PARD3: variants seen among roughly 807,000 people sequenced by gnomAD.
PARD3 encodes par-3 family cell polarity regulator.
In PARD3, 75 loss-of-function variants were observed where a neutral mutation model predicts 155.4. The observed-to-expected ratio is 0.48, with a 90% CI of 0.40 to 0.58. PARD3 has a LOEUF of 0.58. Ranked by LOEUF, PARD3 falls within the 20% of genes least tolerant of loss-of-function variation. PARD3 has a pLI of 0.00. For synonymous variants in PARD3, 576 were observed against 610.5 expected (o/e 0.94, Z 0.83); for missense variants, 1,642 against 1,721.7 (o/e 0.95, Z 0.82).
At chr10:34,724,303 G>C (rs963797883) in intron 1 of PARD3, among the ~76,000 whole-genome samples, 1 of 151,984 alleles carries the variant, frequency 6.6e-6, no homozygotes, top group African/African-American at 2.4e-5. Flanking sequence ...AAATAGCCTT[G>C]CAAGTCATGC....
intron 22 of PARD3, among the ~76,000 whole-genome samples, chr10:34,214,024 T>G (rs1402456609): frequency 1.3e-5 from 2 of 152,074 alleles, no homozygotes; most frequent in Non-Finnish European, 2.9e-5. Flanking sequence ...GCCTCCTGAG[T>G]AGCTGGAATG....
chr10:34,681,559 ACATAC>A lies in PARD3; in HGVS notation c.222+14754_222+14758del, dbSNP rs2093820315. On this transcript the variant is annotated intron_variant, in intron 2 of 24. Transcript: ENST00000374788. ...TAAGAAAAAAAGGATACAAAACTTT[ACATAC>A]CTTATAGAACATGGAACACCACTGT... 2.0e-5 allele frequency among the ~76,000 whole-genome samples: 3 copies of A among 150,800 alleles called. No homozygotes were observed. The Admixed American group carries it at 2.0e-4, about 10-fold the overall frequency.
At chr10:34,737,418 A>G (rs1209400158) in intron 1 of PARD3, among the ~76,000 whole-genome samples, 4 of 152,210 alleles carry the variant, frequency 2.6e-5, no homozygotes, top group Non-Finnish European at 5.9e-5. Flanking sequence ...CCACCCCAAC[A>G]AGGACTAAGA....
At chr10:34,638,949 G>T (rs891545337) in intron 2 of PARD3, among the ~76,000 whole-genome samples, 10 of 152,222 alleles carry the variant, frequency 6.6e-5, no homozygotes, top group Non-Finnish European at 1.3e-4. Flanking sequence ...AGAGAAATAT[G>T]AAATACGGCT....
At chr10:34,510,757 T>C (rs2081356158) in intron 3 of PARD3, among the ~76,000 whole-genome samples, 1 of 152,152 alleles carries the variant, frequency 6.6e-6, no homozygotes, top group South Asian at 2.1e-4. Context: ...GACAGAATAG[T>C]ATACTGAATC....
rs549733511 is a variant in PARD3, at chr10:34,583,207, T to C, written c.223-66048A>G. Among the ~76,000 whole-genome samples the C allele has an allele frequency of 2.0e-5, 3 of 152,172 alleles. No individual in the cohort carries two copies. In the South Asian group the frequency reaches 6.2e-4, roughly 31 times the overall value. ...AATAAATATAACAAATGACACGATA[T>C]AACCATCTAAGTTTTTGGTTTAATG... is the stretch of plus-strand genomic sequence containing the variant. On this transcript the variant is annotated intron_variant, in intron 2 of 24. Coordinates refer to ENST00000374788, the MANE Select transcript of PARD3 (RefSeq NM_001184785.2).
At chr10:34,454,797 T>C (rs769040458) in intron 4 of PARD3, among the ~76,000 whole-genome samples, 1 of 152,192 alleles carries the variant, frequency 6.6e-6, no homozygotes. Flanking sequence ...CTAAATGTAC[T>C]GCCACAGCAT....
At chr10:34,802,782 T>C (rs74722182) in intron 1 of PARD3, among the ~76,000 whole-genome samples, 3,276 of 152,204 alleles carry the variant, frequency 0.022, 116 homozygotes, top group African/African-American at 0.075. Context: ...GAAAAGCCTA[T>C]TCTAGTGAGA....
At chr10:34,628,398 T>C (rs964390277) in intron 2 of PARD3, among the ~76,000 whole-genome samples, 4 of 152,214 alleles carry the variant, frequency 2.6e-5, no homozygotes, top group Admixed American at 2.0e-4. Context: ...GAATTCCTGC[T>C]ACAATTTAGG....
intron 1 of PARD3, among the ~76,000 whole-genome samples, chr10:34,734,223 A>G (rs2094869227): frequency 6.6e-6 from 1 of 151,930 alleles, no homozygotes; most frequent in African/African-American, 2.4e-5. Context: ...ATATCAACAA[A>G]GCACTACAAA....
intron 2 of PARD3, among the ~76,000 whole-genome samples, chr10:34,666,796 A>AAAAAAAAAAAATATAT (rs1358640964): frequency 4.5e-5 from 3 of 66,926 alleles, no homozygotes; most frequent in African/African-American, 1.2e-4. Flanking sequence ...AAAAAAAAAA[A>AAAAAAAAAAAATATAT]ATATATATAT....
chr10:34,713,505 C>T (rs1381857207), intron 1 of PARD3, among the ~76,000 whole-genome samples: 1 of 151,910 alleles, frequency 6.6e-6, no homozygotes, highest in Non-Finnish European at 1.5e-5. Context: ...CACCTGTAAT[C>T]CCAGAACACT....
intron 1 of PARD3, among the ~76,000 whole-genome samples, chr10:34,750,882 T>C (rs750857496): frequency 3.3e-5 from 5 of 152,022 alleles, no homozygotes; most frequent in Admixed American, 6.6e-5. Context: ...AGAGACGGGG[T>C]TTTGCCATGT....
chr10:34,286,072 AAAAAT>A (rs1365951376), intron 20 of PARD3, among the ~76,000 whole-genome samples: 1 of 152,236 alleles, frequency 6.6e-6, no homozygotes, highest in Non-Finnish European at 1.5e-5. Flanking sequence ...ACAAAACATT[AAAAAT>A]AAAAGACTTT....
Position 34,447,804 on chromosome 10 carries a change from C to CAAAAAAAAA in PARD3, c.714+2512_714+2513insTTTTTTTTT, listed in dbSNP as rs59698806. On this transcript the variant is annotated intron_variant, in intron 5 of 24. Transcript: ENST00000374788. ...TGAGCGACACAGCAAGACTCTGTCTCAAAAGAAAGAAAGAAAAAAAAGTCA... is the reference window on the plus strand; with the variant it reads ...TGAGCGACACAGCAAGACTCTGTCTCAAAAAAAAAAAAAGAAAGAAAGAAAAAAAAGTCA... Among the ~76,000 whole-genome samples, 102 of 143,558 alleles carry CAAAAAAAAA rather than the reference C, an allele frequency of 7.1e-4. 3 individuals are homozygous for CAAAAAAAAA. Among genetic ancestry groups the CAAAAAAAAA allele is most frequent in the African/African-American group, 5.6e-4 (21 of 37,194 alleles). 94.2% of individuals were successfully genotyped at this position (143,558 alleles called of 152,430 possible).
intron 24 of PARD3, among the ~76,000 whole-genome samples, chr10:34,117,286 C>G (rs930817075): frequency 6.6e-6 from 1 of 152,216 alleles, no homozygotes; most frequent in Non-Finnish European, 1.5e-5. Context: ...AATAAGAACA[C>G]AGCCCCTGCC....
At chr10:34,190,726 G>A (rs1274474) in intron 22 of PARD3, among the ~76,000 whole-genome samples, 2 of 151,958 alleles carry the variant, frequency 1.3e-5, no homozygotes, top group East Asian at 1.9e-4. Context: ...ACCAGAGGCC[G>A]GGAATGCAAC....
At chr10:34,400,927 C>A (rs1843813098) in intron 6 of PARD3, among the ~76,000 whole-genome samples, 1 of 151,850 alleles carries the variant, frequency 6.6e-6, no homozygotes, top group Non-Finnish European at 1.5e-5. Context: ...AATAGCATAA[C>A]TTCAATAAAC....
intron 22 of PARD3, among the ~76,000 whole-genome samples, chr10:34,248,172 T>C (rs896911120): frequency 6.6e-6 from 1 of 152,200 alleles, no homozygotes; most frequent in African/African-American, 2.4e-5. Flanking sequence ...GATAAAACAT[T>C]TTGCTAACAA....
Sources: allele counts gnomAD v4.1 joint callset (sites outside exome capture counted in the v4.1 genomes callset), GRCh38; gene constraint gnomAD v4.1.1; transcripts MANE v1.5; gene names NCBI Gene and HGNC (gene_info 2026-07-23, HGNC 2026-07-21).